PTPN5: variants seen among roughly 807,000 people sequenced by gnomAD.
The protein encoded by PTPN5 is protein tyrosine phosphatase non-receptor type 5, also known as tyrosine-protein phosphatase non-receptor type 5.
A neutral mutation model predicts 73.9 loss-of-function variants in PTPN5; 29 were observed. That is an observed-to-expected ratio of 0.39 (90% CI 0.29 to 0.54). The LOEUF (loss-of-function observed/expected upper bound fraction) is 0.54, where lower values mean the gene tolerates loss of function less well. PTPN5 is among the 20% of genes least tolerant of loss of function. PTPN5 has a pLI of 0.65. For synonymous variants in PTPN5, 267 were observed against 304.7 expected, an observed-to-expected ratio of 0.88 and a Z score of 1.29; for missense variants, 652 against 751.4, an observed-to-expected ratio of 0.87 and a Z score of 1.55.
intron 3 of PTPN5, among the ~76,000 whole-genome samples, chr11:18,761,885 T>C (rs895655272): frequency 6.6e-6 from 1 of 152,216 alleles, no homozygotes; most frequent in Non-Finnish European, 1.5e-5. Context: ...TGTGTGAGCC[T>C]GGAGGTGTGC....
rs137900063 is a variant in PTPN5, at chr11:18,774,489, T to G, written c.-113-2418A>C. Among the ~76,000 whole-genome samples, 11 of 152,322 alleles carry G rather than the reference T, an allele frequency of 7.2e-5. No homozygotes were observed. In the East Asian group the frequency reaches 2.1e-3, roughly 29 times the overall value. ...GTCCAAAGGTCCAGTATGAACTGAA[T>G]TTACCAGCTTCCCCCTGTACTCTGA... On this transcript the variant is annotated intron_variant, in intron 1 of 14. Transcript: ENST00000358540.
intron 3 of PTPN5, among the ~76,000 whole-genome samples, chr11:18,758,797 T>C (rs10832979): frequency 0.72 from 110,197 of 152,028 alleles, 40,696 homozygotes; most frequent in East Asian, 0.94. Context: ...ACGATGGATG[T>C]CCATTTGTCT....
intron 3 of PTPN5, among the ~76,000 whole-genome samples, chr11:18,763,260 A>G (rs1477816091): frequency 6.6e-6 from 1 of 152,130 alleles, no homozygotes; most frequent in African/African-American, 2.4e-5. Flanking sequence ...GAACAAACGC[A>G]CCTAAACTCT....
chr11:18,792,596 G>C (rs1564942832), upstream of PTPN5: 1 of 152,702 alleles, frequency 6.5e-6, no homozygotes. Flanking sequence ...CAGGCTGCTA[G>C]TGCGCTGGCC....
At chr11:18,757,334 G>A (rs1260347212) in intron 3 of PTPN5, among the ~76,000 whole-genome samples, 1 of 152,170 alleles carries the variant, frequency 6.6e-6, no homozygotes, top group African/African-American at 2.4e-5. Flanking sequence ...CAATACAAGG[G>A]CAGACACACT....
In PTPN5 at chr11:18,740,701, A is replaced by G. The variant is rs748970460; in HGVS notation, c.817T>C (p.Ser273Pro). ...FGYLMSPREE[S>P]AREYLLSASR... is the part of the protein sequence containing the mutation. ...GCGCTGAGCAGGTACTCGCGGGCGG[A>G]CTCCTCACGTGGGGACATGAGATAG... The change falls in exon 8 of 15, where the codon TCC becomes CCC. Residue 273 changes from serine (S) to proline (P), a missense_variant. This residue lies in a region of PTPN5 where 529 missense variants were observed against 573.9 expected (regional missense o/e 0.92). Coordinates refer to ENST00000358540, the MANE Select transcript of PTPN5 (RefSeq NM_006906.2). 7 of 1,607,778 alleles carry G rather than the reference A, an allele frequency of 4.4e-6. No homozygotes were observed. The Admixed American group carries it at 1.0e-4, about 23-fold the overall frequency.
At chr11:18,784,395 C>CA (rs1318088887) in intron 1 of PTPN5, among the ~76,000 whole-genome samples, 2 of 151,502 alleles carry the variant, frequency 1.3e-5, no homozygotes, top group Non-Finnish European at 2.9e-5. Flanking sequence ...AGAAGCCAGA[C>CA]AAAAAAAGAC....
rs550537453 is a variant in PTPN5, at chr11:18,746,192, T to TATATATATATATATATATATATAC, written c.98-1994_98-1993insGTATATATATATATATATATATAT. On this transcript the variant is annotated intron_variant, in intron 3 of 14. Transcript: ENST00000358540. Reference sequence around the variant, plus strand: ...ATATATATATATATATATATATATATACATTTTTTTTTTTTTTGAGATGGA... The same window carrying TATATATATATATATATATATATAC: ...ATATATATATATATATATATATATATATATATATATATATATATATATACACATTTTTTTTTTTTTTGAGATGGA... 3.2e-4 allele frequency among the ~76,000 whole-genome samples: 33 copies of TATATATATATATATATATATATAC among 102,810 alleles called. 1 individual carries two copies. Among genetic ancestry groups the TATATATATATATATATATATATAC allele is most frequent in the Admixed American group, 5.2e-4 (4 of 7,712 alleles). The allele number at this position is 102,810 out of a possible 152,430, so 67.4% of individuals were successfully genotyped here.
At chr11:18,758,841 G>A (rs1432126813) in intron 3 of PTPN5, among the ~76,000 whole-genome samples, 1 of 152,192 alleles carries the variant, frequency 6.6e-6, no homozygotes, top group Admixed American at 6.5e-5. Context: ...TGAAGATGCA[G>A]GGGACTGGAC....
chr11:18,786,322 C>T (rs1304131875), intron 1 of PTPN5, among the ~76,000 whole-genome samples: 2 of 152,140 alleles, frequency 1.3e-5, no homozygotes, highest in Non-Finnish European at 2.9e-5. Flanking sequence ...CCTGCCTCAG[C>T]CTCCTGAGTA....
In PTPN5 at chr11:18,742,247, C is replaced by T. The variant is rs1450234430; in HGVS notation, c.725+15G>A. 1.9e-6 allele frequency: 3 copies of T among 1,613,438 alleles called. No homozygotes were observed. The highest frequency in any genetic ancestry group is 2.5e-6 in the Non-Finnish European group (3 of 1,179,558). On this transcript the variant is annotated intron_variant, in intron 7 of 14. Coordinates refer to ENST00000358540, the MANE Select transcript of PTPN5 (RefSeq NM_006906.2). The surrounding 1 kb of genome is among the most constrained non-coding windows in gnomAD (Gnocchi z 4.1). ...CAAGGGCCCGTGGAGCCCACCCCTC[C>T]TCCACCCCTCCCACCTCTCCTGCAG...
chr11:18,730,074 T>C (rs1260115929), intron 12 of PTPN5: 1 of 552,494 alleles, frequency 1.8e-6, no homozygotes, highest in East Asian at 3.1e-5. Context: ...TTCAGGATCA[T>C]CCAAGAGGGG....
Position 18,730,234 on chromosome 11 carries a change from A to G in PTPN5, c.1330-416T>C, listed in dbSNP as rs150795318. The G allele has an allele frequency of 6.1e-3, 2,179 of 357,788 alleles. 14 individuals are homozygous for G. Among genetic ancestry groups the G allele is most frequent in the Non-Finnish European group, 7.7e-3 (1,534 of 200,260 alleles). The allele number at this position is 357,788 out of a possible 1,614,324, so 22.2% of individuals were successfully genotyped here. On this transcript the variant is annotated intron_variant, in intron 12 of 14. Coordinates refer to ENST00000358540, the MANE Select transcript of PTPN5 (RefSeq NM_006906.2). ...GCCTGCGCCTGCGTGACTCGCCTCT[A>G]TCTTAGTGCTGCAATTAGTGCTGCA...
intron 1 of PTPN5, among the ~76,000 whole-genome samples, chr11:18,780,328 T>TC (rs1851360682): frequency 6.6e-6 from 1 of 152,058 alleles, no homozygotes; most frequent in South Asian, 2.1e-4. Context: ...TCACAGGATT[T>TC]CCCAAATCCT....
intron 3 of PTPN5, 82 bp from the exon 4 acceptor site, chr11:18,744,281 G>C (rs996121159): frequency 7.9e-7 from 1 of 1,264,824 alleles, no homozygotes; most frequent in East Asian, 2.8e-5. Flanking sequence ...GGGTGGCTGT[G>C]GCTGCCTCTC....
chr11:18,732,595 G>A lies in PTPN5; in HGVS notation c.1326C>T (p.Leu442=). Residue 442 remains leucine, a synonymous_variant, in exon 12 of 15, where the codon CTC becomes CTT. Transcript: ENST00000358540. ...CCAGCCCTGCCCCAGGCCTCACCTT[G>A]AGGGAGATGAGTCGCAGCCGGTAAT... The part of the protein sequence containing the change: ...TEDYRLRLIS[L]KSGTEERGLK... The A allele has an allele frequency of 6.2e-7, 1 of 1,613,182 alleles. No homozygotes were observed. The highest frequency in any genetic ancestry group is 8.5e-7 in the Non-Finnish European group (1 of 1,179,480).
At chr11:18,757,742 A>G (rs1850219977) in intron 3 of PTPN5, among the ~76,000 whole-genome samples, 1 of 152,054 alleles carries the variant, frequency 6.6e-6, no homozygotes, top group South Asian at 2.1e-4. Context: ...CTTTCCCTAG[A>G]CCCCATATTT....
chr11:18,759,330 T>C (rs1850289294), intron 3 of PTPN5, among the ~76,000 whole-genome samples: 1 of 152,228 alleles, frequency 6.6e-6, no homozygotes, highest in Non-Finnish European at 1.5e-5. Context: ...ATCATATTAC[T>C]ACCCTTATTC....
intron 9 of PTPN5, among the ~76,000 whole-genome samples, 155 bp downstream of exon 9, chr11:18,737,725 C>G (rs1849177456): frequency 6.6e-6 from 1 of 152,146 alleles, no homozygotes; most frequent in East Asian, 1.9e-4. Flanking sequence ...CTCACCAGGG[C>G]AGCGCTTCCC....
Sources: gnomAD v4.1 joint callset for allele counts (sites outside exome capture counted in the v4.1 genomes callset) on GRCh38, gnomAD v4.1.1 for gene constraint, gnomAD v4.1.1 regional missense constraint, Gnocchi (gnomAD v3.1) non-coding constraint, MANE v1.5 for transcripts, NCBI Gene and HGNC (gene_info 2026-07-23, HGNC 2026-07-21) for gene names.